The following FBRS variants were observed in gnomAD, a reference collection of about 807,000 sequenced individuals.
The protein encoded by FBRS is probable fibrosin-1.
FBRS carries 15 observed loss-of-function variants against 86.1 expected under a neutral mutation model. That is an observed-to-expected ratio of 0.17 (90% CI 0.12 to 0.27). The LOEUF (loss-of-function observed/expected upper bound fraction) is 0.27, where lower values mean the gene tolerates loss of function less well. Among genes scored for constraint, FBRS ranks in the 10% least tolerant of loss-of-function variants. The probability of loss-of-function intolerance (pLI) is 1.00; values close to 1 mark genes in which losing one functional copy is unlikely to be tolerated. For synonymous variants in FBRS, 666 were observed against 575.8 expected, an observed-to-expected ratio of 1.16 and a Z score of -2.24; for missense variants, 1,367 against 1,301.6, an observed-to-expected ratio of 1.05 and a Z score of -0.77.
Position 30,668,835 on chromosome 16 carries a change from C to G in FBRS, c.2222C>G (p.Pro741Arg), listed in dbSNP as rs759285388. ...GCCCCACCAGCCTTCGCCTCCCCAC[C>G]GGACCCATGGGGCCGCCTGCACCGC... ...PGAPPAFASP[P>R]DPWGRLHRSP... The change falls in exon 17 of 18, where the codon CCG (proline) becomes CGG (arginine). Residue 741 changes from proline to arginine, a missense_variant. Pro to Arg is a moderately radical substitution (Grantham distance 103, BLOSUM62 -2). Around this residue, in one of 3 missense-constraint regions of FBRS, gnomAD observed 659 missense variants for 678.8 expected, o/e 0.97. Coordinates refer to ENST00000356166, the MANE Select transcript of FBRS (RefSeq NM_001105079.3). 2 of 1,596,402 alleles carry G rather than the reference C, an allele frequency of 1.3e-6. No individual in the cohort carries two copies. The highest frequency in any genetic ancestry group is 8.5e-7 in the Non-Finnish European group (1 of 1,176,486).
In FBRS at chr16:30,668,672, G is replaced by A. The variant is rs201760810; in HGVS notation, c.2158+29G>A. On this transcript the variant is annotated intron_variant, in intron 16 of 17. Transcript: ENST00000356166. ...AGTGCGGGTGCGGTGGGGTGGGGGGGCTGCGGCCACAGGGTGAGAGCTCAG... is the reference window on the plus strand; with the variant it reads ...AGTGCGGGTGCGGTGGGGTGGGGGGACTGCGGCCACAGGGTGAGAGCTCAG... 25 of 1,586,806 alleles carry A rather than the reference G, an allele frequency of 1.6e-5. No homozygotes were observed. In the East Asian group the frequency reaches 3.4e-4, roughly 22 times the overall value.
intron 2 of FBRS, 150 bp downstream of exon 2, chr16:30,660,592 G>T: frequency 8.2e-7 from 1 of 1,217,240 alleles, no homozygotes; most frequent in Non-Finnish European, 1.0e-6. Flanking sequence ...ACTCATCCGG[G>T]TCTGACGAAG....
At position 30,659,935 on chromosome 16, in the gene FBRS, T is replaced by A; in HGVS notation, c.417T>A (p.Asp139Glu). 1.9e-6 allele frequency: 3 copies of A among 1,551,104 alleles called. No individual in the cohort carries two copies. The highest frequency in any genetic ancestry group is 2.6e-6 in the Non-Finnish European group (3 of 1,147,618). ...AAGAGGAGGAGGAGGACTTGATCGA[T>A]GGCTTCGCCATCGCCAGCTTCGCCA... ...EEEEEEEDLI[D>E]GFAIASFATL... is the part of the protein sequence containing the mutation. The change falls in exon 1 of 18, where the codon GAT becomes GAA. Residue 139 changes from aspartate (D) to glutamate (E), a missense_variant. Transcript: ENST00000356166.
In FBRS at chr16:30,665,682, C is replaced by T. The variant is rs748429458; in HGVS notation, c.1749C>T (p.Ser583=). 7.6e-6 allele frequency: 12 copies of T among 1,588,710 alleles called. No homozygotes were observed. The highest frequency in any genetic ancestry group is 1.7e-4 in the Middle Eastern group (1 of 6,010). ...CACCACGACTGGGGCCGGTGCCGAG[C>T]GGGCTCTCCCAGAAGGGGACACAGG... ...ELPPRLGPVP[S]GLSQKGTQIP... The change falls in exon 11 of 18, where the codon AGC becomes AGT. Residue 583 remains serine (S), a synonymous_variant. Transcript: ENST00000356166. This position sits in a 1 kb window ranked among gnomAD's most constrained non-coding sequence, Gnocchi z 4.1.
Position 30,664,888 on chromosome 16 carries a change from C to A in FBRS, c.1531C>A (p.Pro511Thr). 1.9e-6 allele frequency: 3 copies of A among 1,609,936 alleles called. No homozygotes were observed. Among genetic ancestry groups the A allele is most frequent in the Non-Finnish European group, 2.5e-6 (3 of 1,178,196 alleles). Reference sequence around the variant, plus strand: ...CCACCAGCACTTCACCCCTTATCCCCCGGGCCTGCTGCCACCCCACGGCCC... The same window carrying A: ...CCACCAGCACTTCACCCCTTATCCCACGGGCCTGCTGCCACCCCACGGCCC... ...HTHQHFTPYP[P>T]GLLPPHGPHM... The change falls in exon 8 of 18, where the codon CCG becomes ACG. Residue 511 changes from proline (P) to threonine (T), a missense_variant. Transcript: ENST00000356166.
chr16:30,669,021 C>T lies in FBRS; in HGVS notation c.2366+42C>T. On this transcript the variant is annotated intron_variant, in intron 17 of 17. Transcript: ENST00000356166. The surrounding 1 kb of genome is among the most constrained non-coding windows in gnomAD (Gnocchi z 5.9). ...CCCTGCCCCTGCCCCACCCTCAGCC[C>T]CTGCTGCCCCTGGAGAACTTCATTC... 2 of 1,568,846 alleles carry T rather than the reference C, an allele frequency of 1.3e-6. No homozygotes were observed. The highest frequency in any genetic ancestry group is 1.7e-6 in the Non-Finnish European group (2 of 1,157,926).
At position 30,665,937 on chromosome 16, in the gene FBRS, G is replaced by T; in HGVS notation, c.1773+231G>T. The stretch of plus-strand genomic sequence containing the variant: ...GATGATTAGGACAATGGTTTTTGTA[G>T]TGGTTTTCAAACTTTTTAATAAAGT... On this transcript the variant is annotated intron_variant, in intron 11 of 17. Transcript: ENST00000356166. The surrounding 1 kb of genome is among the most constrained non-coding windows in gnomAD (Gnocchi z 4.1). The T allele has an allele frequency of 2.0e-6, 1 of 505,856 alleles. No homozygotes were observed. 31.3% of individuals were successfully genotyped at this position (505,856 alleles called of 1,614,324 possible).
intron 7 of FBRS, 53 bp downstream of exon 7, chr16:30,664,569 C>T (rs1011152928): frequency 3.8e-5 from 54 of 1,428,856 alleles, no homozygotes; most frequent in Non-Finnish European, 1.7e-5. Context: ...CGGGCTCGGG[C>T]CCAGTTGGCT....
chr16:30,666,046 A>G (rs919014793), intron 11 of FBRS: 4 of 403,280 alleles, frequency 9.9e-6, no homozygotes, highest in East Asian at 4.9e-5. Context: ...TGGTGAAGTG[A>G]GGAGAGCCAG....
In FBRS at chr16:30,669,401, C is replaced by T. The variant is rs760245566; in HGVS notation, c.2699C>T (p.Ala900Val). 73 of 1,612,678 alleles carry T rather than the reference C, an allele frequency of 4.5e-5. No individual in the cohort carries two copies. Among genetic ancestry groups the T allele is most frequent in the East Asian group, 3.1e-4 (14 of 44,880 alleles). ...GCAAGGCCACCCCGCTTCTATGAGG[C>T]GGGTGAGGAGCTAACTGGACCCGGG... Reference protein sequence around the residue: ...RLARPPRFYEAGEELTGPGAV... With the variant: ...RLARPPRFYEVGEELTGPGAV... The change falls in exon 18 of 18, where the codon GCG becomes GTG. Residue 900 changes from alanine to valine, a missense_variant. Coordinates refer to ENST00000356166, the MANE Select transcript of FBRS (RefSeq NM_001105079.3). The surrounding 1 kb of genome is among the most constrained non-coding windows in gnomAD (Gnocchi z 5.9).
In FBRS at chr16:30,665,686, C is replaced by G. The variant is rs1406482158; in HGVS notation, c.1753C>G (p.Leu585Val). The G allele has an allele frequency of 1.3e-6, 2 of 1,587,640 alleles. No individual in the cohort carries two copies. Among genetic ancestry groups the G allele is most frequent in the Non-Finnish European group, 1.7e-6 (2 of 1,167,200 alleles). ...ACGACTGGGGCCGGTGCCGAGCGGG[C>G]TCTCCCAGAAGGGGACACAGGTGAG... ...PPRLGPVPSG[L>V]SQKGTQIPDH... Residue 585 changes from leucine (L) to valine (V), a missense_variant, in exon 11 of 18, where the codon CTC (leucine) becomes GTC (valine). Physicochemically the swap from Leu to Val is conservative, Grantham distance 32. This residue lies in a region of FBRS where 659 missense variants were observed against 678.8 expected (regional missense o/e 0.97). Transcript: ENST00000356166. This position sits in a 1 kb window ranked among gnomAD's most constrained non-coding sequence, Gnocchi z 4.1.
chr16:30,669,869 GA>G lies in FBRS; in HGVS notation c.*225del. ...GAGGTCACAGCCTCTAGAGAAGGGA[GA>G]GGGGCGTGTGCATGGGAGTGTGGCT... is the stretch of plus-strand genomic sequence containing the variant. On this transcript the variant is annotated 3_prime_UTR_variant, in exon 18 of 18. Coordinates refer to ENST00000356166, the MANE Select transcript of FBRS (RefSeq NM_001105079.3). This position sits in a 1 kb window ranked among gnomAD's most constrained non-coding sequence, Gnocchi z 5.9. 1.5e-6 allele frequency: 1 copy of G among 646,028 alleles called. No homozygotes were observed. The highest frequency in any genetic ancestry group is 2.6e-6 in the Non-Finnish European group (1 of 380,534). The allele number at this position is 646,028 out of a possible 1,614,324, so 40.0% of individuals were successfully genotyped here. A position where few individuals can be genotyped will look rare whatever the true frequency, so the allele number is the denominator to read the frequency against.
chr16:30,663,324 A>G (rs557269796), intron 6 of FBRS, among the ~76,000 whole-genome samples: 1 of 152,302 alleles, frequency 6.6e-6, no homozygotes, highest in East Asian at 1.9e-4. Flanking sequence ...TGTTGTGAGG[A>G]TTAACTACGA....
chr16:30,666,675 T>A, intron 12 of FBRS, 134 bp downstream of exon 12: 2 of 1,449,294 alleles, frequency 1.4e-6, no homozygotes, highest in Non-Finnish European at 1.9e-6. Context: ...CAGCAGAGAG[T>A]GAGGGCTTTC....
chr16:30,668,987 T>TCCCCCCCCCCCCTCCCCCCCCCC lies in FBRS; in HGVS notation c.2366+11_2366+12insCCCCCCCCCTCCCCCCCCCCCCC. 1.4e-6 allele frequency: 2 copies of TCCCCCCCCCCCCTCCCCCCCCCC among 1,481,128 alleles called. No homozygotes were observed. The highest frequency in any genetic ancestry group is 1.8e-6 in the Non-Finnish European group (2 of 1,088,970). 91.7% of individuals were successfully genotyped at this position (1,481,128 alleles called of 1,614,324 possible). Reference sequence around the variant, plus strand: ...CAAGGAGGAGAAGGACAGGTGTGCCTCCCACCCACCCTGCCCCTGCCCCAC... The same window carrying TCCCCCCCCCCCCTCCCCCCCCCC: ...CAAGGAGGAGAAGGACAGGTGTGCCTCCCCCCCCCCCCTCCCCCCCCCCCCCACCCACCCTGCCCCTGCCCCAC... On this transcript the variant is annotated intron_variant, in intron 17 of 17. Transcript: ENST00000356166.
rs181636414 is a variant in FBRS at position 30,659,049 on chromosome 16, C to A, written c.-470C>A. 58 of 152,288 alleles carry A rather than the reference C, an allele frequency of 3.8e-4. No homozygotes were observed. The highest frequency in any genetic ancestry group is 1.4e-3 in the African/African-American group (58 of 41,548). The allele number at this position is 152,288 out of a possible 1,614,324, so 9.4% of individuals were successfully genotyped here. On this transcript the variant is annotated 5_prime_UTR_variant, in exon 1 of 18. Transcript: ENST00000356166. ...CCTGGACTCCTTAAAGGGGTGGCCTCTTTGAGCCGGAGGACTTGAGACACT... is the reference window on the plus strand; with the variant it reads ...CCTGGACTCCTTAAAGGGGTGGCCTATTTGAGCCGGAGGACTTGAGACACT...
Position 30,667,606 on chromosome 16 carries a change from C to A in FBRS, c.2058C>A (p.Ser686Arg). Residue 686 changes from serine to arginine, a missense_variant, in exon 15 of 18, where the codon AGC becomes AGA. Transcript: ENST00000356166. The part of the protein sequence containing the change: ...AAPGAHGPFL[S>R]PSTHIDPFGR... ...CCGGGGCCCACGGACCCTTCCTGAG[C>A]CCCAGCACCCACATTGGTAAGAGCC... 1 of 1,532,904 alleles carries A rather than the reference C, an allele frequency of 6.5e-7. No individual in the cohort carries two copies. Among genetic ancestry groups the A allele is most frequent in the Non-Finnish European group, 8.8e-7 (1 of 1,138,770 alleles). The allele number at this position is 1,532,904 out of a possible 1,614,324, so 95.0% of individuals were successfully genotyped here.
intron 1 of FBRS, 99 bp downstream of exon 1, chr16:30,660,076 A>T: frequency 6.8e-7 from 1 of 1,460,152 alleles, no homozygotes; most frequent in South Asian, 1.4e-5. Context: ...GAATGCTGGC[A>T]CCCCAAACCA....
At chr16:30,664,543 TG>T (rs1444636472) in intron 7 of FBRS, 27 bp downstream of exon 7, 5 of 1,409,288 alleles carry the variant, frequency 3.5e-6, no homozygotes, top group Non-Finnish European at 1.8e-6. Flanking sequence ...GGCCGGGGGG[TG>T]GGGGGCCATC....
Sources: gnomAD v4.1 joint callset for allele counts (sites outside exome capture counted in the v4.1 genomes callset) on GRCh38, gnomAD v4.1.1 for gene constraint, gnomAD v4.1.1 regional missense constraint, Gnocchi (gnomAD v3.1) non-coding constraint, MANE v1.5 for transcripts, NCBI Gene and HGNC (gene_info 2026-07-23, HGNC 2026-07-21) for gene names.